Variants in SLC9A4 observed in about 807,000 individuals in gnomAD.
The protein encoded by SLC9A4 is sodium/hydrogen exchanger 4.
SLC9A4 carries 63 observed loss-of-function variants against 67.4 expected under a neutral mutation model. The ratio of observed to expected loss-of-function variants is 0.93; its 90% CI spans 0.76 to 1.15. SLC9A4 has a LOEUF of 1.15. Ranked by LOEUF, SLC9A4 falls within the 50% of genes most tolerant of loss-of-function variation. SLC9A4 has a pLI of 0.00. For synonymous variants in SLC9A4, 393 were observed against 367.2 expected, an observed-to-expected ratio of 1.07 and a Z score of -0.80; for missense variants, 1,089 against 987.7, an observed-to-expected ratio of 1.10 and a Z score of -1.38.
intron 2 of SLC9A4, among the ~76,000 whole-genome samples, chr2:102,495,971 G>A (rs1490329344): frequency 2.6e-5 from 4 of 152,000 alleles, no homozygotes; most frequent in Non-Finnish European, 5.9e-5. Flanking sequence ...TGACCTTGGA[G>A]TAGTCAAAAG....
chr2:102,500,636 A>T (rs11682754), intron 2 of SLC9A4, among the ~76,000 whole-genome samples: 1 of 152,026 alleles, frequency 6.6e-6, no homozygotes, highest in African/African-American at 2.4e-5. Flanking sequence ...GCCAGCTCAC[A>T]TTCCCAAGCC....
At chr2:102,500,354 C>A (rs1323821743) in intron 2 of SLC9A4, among the ~76,000 whole-genome samples, 1 of 152,210 alleles carries the variant, frequency 6.6e-6, no homozygotes, top group Non-Finnish European at 1.5e-5. Context: ...CGAGTCCAGA[C>A]TCTTAGTCTC....
intron 9 of SLC9A4, 133 bp from the exon 10 acceptor site, chr2:102,524,891 G>C: frequency 9.5e-7 from 1 of 1,047,356 alleles, no homozygotes; most frequent in South Asian, 1.5e-5. Context: ...TCGTAATCAA[G>C]GCAAATGCTT....
chr2:102,478,130 T>A (rs1487361442), intron 1 of SLC9A4, among the ~76,000 whole-genome samples: 4 of 152,280 alleles, frequency 2.6e-5, no homozygotes, highest in Admixed American at 2.6e-4. Context: ...AGAAAAATCA[T>A]CTGGCAGTAG....
chr2:102,517,028 T>C lies in SLC9A4; in HGVS notation c.1721+2777T>C, dbSNP rs1685289054. Among the ~76,000 whole-genome samples the C allele has an allele frequency of 2.0e-5, 3 of 152,204 alleles. No individual in the cohort carries two copies. In the South Asian group the frequency reaches 6.2e-4, roughly 31 times the overall value. Reference sequence around the variant, plus strand: ...AAGAATTTTCTAATGGATTGCACATTGACAGGTATAAATTCACATTTCCAC... The same window carrying C: ...AAGAATTTTCTAATGGATTGCACATCGACAGGTATAAATTCACATTTCCAC... On this transcript the variant is annotated intron_variant, in intron 8 of 11. Coordinates refer to ENST00000295269, the MANE Select transcript of SLC9A4 (RefSeq NM_001011552.4).
At position 102,503,482 on chromosome 2, in the gene SLC9A4, T is replaced by A. The variant is rs754807456; in HGVS notation, c.755T>A (p.Met252Lys). ...LYNMLIAFTK[M>K]HKFEDIETVD... ...AATATGTTAATTGCCTTTACAAAGATGCATAAATTTGAAGACATAGAAACT... is the reference window on the plus strand; with the variant it reads ...AATATGTTAATTGCCTTTACAAAGAAGCATAAATTTGAAGACATAGAAACT... The change falls in exon 3 of 12, where the codon ATG (methionine) becomes AAG (lysine). Residue 252 changes from methionine (M) to lysine (K), a missense_variant. Transcript: ENST00000295269. 3 of 1,613,142 alleles carry A rather than the reference T, an allele frequency of 1.9e-6. No homozygotes were observed. Among genetic ancestry groups the A allele is most frequent in the Non-Finnish European group, 2.5e-6 (3 of 1,179,192 alleles).
intron 1 of SLC9A4, among the ~76,000 whole-genome samples, chr2:102,476,385 A>G (rs541788258): frequency 1.3e-5 from 2 of 152,306 alleles, no homozygotes; most frequent in East Asian, 3.9e-4. Flanking sequence ...GATTGACTCT[A>G]TTGTCCATCA....
intron 2 of SLC9A4, among the ~76,000 whole-genome samples, chr2:102,486,193 G>A (rs1269279355): frequency 6.6e-6 from 1 of 152,226 alleles, no homozygotes; most frequent in East Asian, 1.9e-4. Flanking sequence ...TCCACTCCTT[G>A]CAAGCTGAGT....
At chr2:102,529,163 A>T (rs1240389874) in intron 11 of SLC9A4, among the ~76,000 whole-genome samples, 1 of 152,248 alleles carries the variant, frequency 6.6e-6, no homozygotes. Context: ...GGAAAGAAAG[A>T]CAACACTTCA....
In SLC9A4 at chr2:102,479,055, T is replaced by G. The variant is rs1374746103; in HGVS notation, c.473T>G (p.Ile158Ser). 9 of 1,614,048 alleles carry G rather than the reference T, an allele frequency of 5.6e-6. No individual in the cohort carries two copies. Among genetic ancestry groups the G allele is most frequent in the Non-Finnish European group, 7.6e-6 (9 of 1,180,030 alleles). Residue 158 changes from isoleucine (I) to serine (S), a missense_variant, in exon 2 of 12, where the codon ATC becomes AGC. Ile to Ser is a moderately radical substitution (Grantham distance 142). Transcript: ENST00000295269. ...TRPFFENIGS[I>S]LWWAVLGALI... ...CCCTTCTTTGAGAACATCGGCTCCATCCTGTGGTGGGCAGTATTGGGGGCC... is the reference window on the plus strand; with the variant it reads ...CCCTTCTTTGAGAACATCGGCTCCAGCCTGTGGTGGGCAGTATTGGGGGCC...
Position 102,478,995 on chromosome 2 carries a change from T to C in SLC9A4, c.413T>C (p.Ile138Thr). The change falls in exon 2 of 12, where the codon ATC becomes ACC. Residue 138 changes from isoleucine (I) to threonine (T), a missense_variant. Ile to Thr is a moderately conservative substitution (Grantham distance 89). Transcript: ENST00000295269. ...TACTTCCTGTATCTCCTGCCACCCA[T>C]CGTTCTGGAGGGCGGCTACTTCATG... ...SIYFLYLLPP[I>T]VLEGGYFMPT... 3 of 1,614,092 alleles carry C rather than the reference T, an allele frequency of 1.9e-6. No homozygotes were observed. Among genetic ancestry groups the C allele is most frequent in the South Asian group, 1.1e-5 (1 of 91,080 alleles).
chr2:102,504,092 G>A (rs936057864), intron 3 of SLC9A4, among the ~76,000 whole-genome samples: 2 of 152,034 alleles, frequency 1.3e-5, no homozygotes, highest in African/African-American at 2.4e-5. Context: ...TCGCTCTGTC[G>A]CCCAGGCTGG....
chr2:102,532,345 A>C lies in SLC9A4; in HGVS notation c.2054A>C (p.Asp685Ala). ...AAGFSDDDSS[D>A]PGSPSITFSA... ...GTTTTCCTAGATGATGACAGCAGTG[A>C]TCCAGGATCCCCATCCATCACGTTC... The change falls in exon 12 of 12, where the codon GAT becomes GCT. Residue 685 changes from aspartate to alanine, a missense_variant. Coordinates refer to ENST00000295269, the MANE Select transcript of SLC9A4 (RefSeq NM_001011552.4). The C allele has an allele frequency of 6.2e-7, 1 of 1,613,112 alleles. No homozygotes were observed. The highest frequency in any genetic ancestry group is 8.5e-7 in the Non-Finnish European group (1 of 1,179,378).
At chr2:102,504,965 G>A (rs1199711735) in intron 3 of SLC9A4, among the ~76,000 whole-genome samples, 1 of 152,254 alleles carries the variant, frequency 6.6e-6, no homozygotes, top group East Asian at 1.9e-4. Flanking sequence ...AAGAGGGCAA[G>A]AGGGAAGCAT....
At chr2:102,524,870 G>A (rs1188874720) in intron 9 of SLC9A4, among the ~76,000 whole-genome samples, 154 bp from the exon 10 acceptor site, 2 of 152,164 alleles carry the variant, frequency 1.3e-5, no homozygotes, top group Non-Finnish European at 2.9e-5. Context: ...TTGGCGCTGA[G>A]GCTTGTTCAT....
intron 2 of SLC9A4, among the ~76,000 whole-genome samples, chr2:102,487,698 T>G (rs1218464622): frequency 6.6e-6 from 1 of 152,206 alleles, no homozygotes; most frequent in African/African-American, 2.4e-5. Flanking sequence ...TAATTAGAAC[T>G]CACTTCAGGT....
chr2:102,504,692 G>A (rs1375474610), intron 3 of SLC9A4, among the ~76,000 whole-genome samples: 1 of 152,154 alleles, frequency 6.6e-6, no homozygotes, highest in African/African-American at 2.4e-5. Context: ...TAAACTCTAG[G>A]CATCTGTCAC....
At chr2:102,510,120 T>A (rs1685130197) in intron 6 of SLC9A4, among the ~76,000 whole-genome samples, 1 of 152,138 alleles carries the variant, frequency 6.6e-6, no homozygotes, top group South Asian at 2.1e-4. Context: ...TTGTCCTCCT[T>A]TTTTGTCCAA....
chr2:102,504,967 G>A (rs1284817569), intron 3 of SLC9A4, among the ~76,000 whole-genome samples: 1 of 152,238 alleles, frequency 6.6e-6, no homozygotes, highest in Non-Finnish European at 1.5e-5. Flanking sequence ...GAGGGCAAGA[G>A]GGAAGCATTC....
Sources: gnomAD v4.1 joint callset for allele counts (sites outside exome capture counted in the v4.1 genomes callset) on GRCh38, gnomAD v4.1.1 for gene constraint, MANE v1.5 for transcripts, NCBI Gene and HGNC (gene_info 2026-07-23, HGNC 2026-07-21) for gene names.